Variants in NEDD9 observed in about 807,000 individuals in gnomAD.
NEDD9 encodes enhancer of filamentation 1.
In NEDD9, 26 loss-of-function variants were observed where a neutral mutation model predicts 76.6. The observed-to-expected ratio is 0.34, with a 90% CI of 0.25 to 0.47. NEDD9 has a LOEUF of 0.47. NEDD9 is among the 20% of genes least tolerant of loss of function. The pLI is 1.00. For missense variants in NEDD9, 937 were observed against 1,058.5 expected (o/e 0.89, Z 1.59); for synonymous variants, 392 against 414.2 (o/e 0.95, Z 0.65).
At chr6:11,247,650 G>A (rs1476771958) in intron 3 of NEDD9, among the ~76,000 whole-genome samples, 1 of 152,032 alleles carries the variant, frequency 6.6e-6, no homozygotes, top group African/African-American at 2.4e-5. Context: ...TTTCTGTTTG[G>A]CAATAGCAAT....
chr6:11,283,062 T>C (rs1760569542), intron 3 of NEDD9, among the ~76,000 whole-genome samples: 1 of 152,230 alleles, frequency 6.6e-6, no homozygotes, highest in Non-Finnish European at 1.5e-5. Context: ...CCTTATGACC[T>C]TGGCATTTGC....
At chr6:11,250,712 T>G (rs755039611) in intron 3 of NEDD9, among the ~76,000 whole-genome samples, 43 of 152,192 alleles carry the variant, frequency 2.8e-4, no homozygotes, top group Non-Finnish European at 1.3e-4. Context: ...GAGCTGGAAA[T>G]GTACTGTGGC....
intron 4 of NEDD9, among the ~76,000 whole-genome samples, 155 bp downstream of exon 4, chr6:11,192,190 T>G (rs191517944): frequency 5.3e-4 from 81 of 152,284 alleles, no homozygotes; most frequent in South Asian, 1.7e-3. Context: ...TTTGCTTCCT[T>G]CCTTTACTCT....
rs61755990 is a variant in NEDD9, at chr6:11,190,439, G to A, written c.1430C>T (p.Pro477Leu). 2.3e-5 allele frequency: 37 copies of A among 1,614,062 alleles called. No individual in the cohort carries two copies. The highest frequency in any genetic ancestry group is 2.0e-4 in the African/African-American group (15 of 74,922). ...KGAVANAACL[P>L]ELILHNKMKR... ...CATCTTGTTGTGGAGGATGAGTTCC[G>A]GGAGGCAGGCAGCATTTGCAACAGC... is the stretch of plus-strand genomic sequence containing the variant. Residue 477 changes from proline (P) to leucine (L), a missense_variant, in exon 5 of 7, where the codon CCG becomes CTG. Transcript: ENST00000379446. The surrounding 1 kb of genome is among the most constrained non-coding windows in gnomAD (Gnocchi z 5.8).
rs114326015 is a variant in NEDD9, at chr6:11,187,474, T to C, written c.1995+744A>G. On this transcript the variant is annotated intron_variant, in intron 6 of 6. Coordinates refer to ENST00000379446, the MANE Select transcript of NEDD9 (RefSeq NM_006403.4). ...TGAATTCTGCTCTCCTACCTTTAGA[T>C]TGGACCAAGGCCAGGCAAACCATAG... Among the ~76,000 whole-genome samples the C allele has an allele frequency of 6.9e-3, 1,053 of 152,232 alleles. 12 individuals carry two copies. The highest frequency in any genetic ancestry group is 0.025 in the African/African-American group (1,018 of 41,516).
chr6:11,242,130 C>G (rs192209267), intron 3 of NEDD9, among the ~76,000 whole-genome samples: 6 of 152,150 alleles, frequency 3.9e-5, no homozygotes, highest in Non-Finnish European at 8.8e-5. Flanking sequence ...CTTGACTTGC[C>G]GAACGGAGTA....
chr6:11,267,674 GA>G (rs920140145), intron 3 of NEDD9, among the ~76,000 whole-genome samples: 10 of 151,558 alleles, frequency 6.6e-5, no homozygotes, highest in Admixed American at 2.6e-4. Context: ...CAGCTAGTAA[GA>G]AAAAAAAATT....
intron 1 of NEDD9, among the ~76,000 whole-genome samples, chr6:11,374,066 C>CTA (rs35562815): frequency 0.019 from 2,828 of 149,612 alleles, 79 homozygotes; most frequent in African/African-American, 0.057. Context: ...CTCTCTCTCT[C>CTA]TATATATATA....
chr6:11,313,477 GTAGA>G (rs766690871), intron 2 of NEDD9, among the ~76,000 whole-genome samples: 24 of 131,850 alleles, frequency 1.8e-4, no homozygotes, highest in East Asian at 5.9e-4. Flanking sequence ...ATATGAGTGG[GTAGA>G]TAGATGGATG....
chr6:11,235,209 T>C (rs1285534767), upstream of NEDD9, among the ~76,000 whole-genome samples: 1 of 152,148 alleles, frequency 6.6e-6, no homozygotes, highest in Non-Finnish European at 1.5e-5. The surrounding 1 kb of genome is among the most constrained non-coding windows in gnomAD (Gnocchi z 4.1). Flanking sequence ...AGATTTATGA[T>C]ATTTTGTTAA....
chr6:11,304,507 G>A (rs956415576), intron 3 of NEDD9, among the ~76,000 whole-genome samples: 5 of 152,286 alleles, frequency 3.3e-5, no homozygotes, highest in East Asian at 1.9e-4. Context: ...ACATGCACAC[G>A]TATGTTTATT....
intron 1 of NEDD9, among the ~76,000 whole-genome samples, chr6:11,218,604 A>G (rs1759045860): frequency 6.6e-6 from 1 of 152,228 alleles, no homozygotes; most frequent in Non-Finnish European, 1.5e-5. Flanking sequence ...TATCCGAAAC[A>G]AAATATAGAC....
intron 2 of NEDD9, chr6:11,199,729 C>T (rs35800916): frequency 0.13 from 16,887 of 133,074 alleles, 1,267 homozygotes; most frequent in Middle Eastern, 0.29. Context: ...GGTGAGATCT[C>T]GGCTCACCGC....
At chr6:11,188,140 C>G in intron 6 of NEDD9, 78 bp downstream of exon 6, 1 of 1,102,940 alleles carries the variant, frequency 9.1e-7, no homozygotes, top group Non-Finnish European at 1.4e-6. Context: ...ATCATAATCT[C>G]TTGAAGTGAT....
At chr6:11,197,137 T>A (rs1758313752) in intron 2 of NEDD9, among the ~76,000 whole-genome samples, 1 of 152,166 alleles carries the variant, frequency 6.6e-6, no homozygotes, top group Admixed American at 6.5e-5. Context: ...GGAAGAATTC[T>A]CCTAGGCATT....
intron 3 of NEDD9, among the ~76,000 whole-genome samples, chr6:11,266,709 G>A (rs9468726): frequency 0.28 from 41,921 of 151,966 alleles, 6,804 homozygotes; most frequent in African/African-American, 0.47. Context: ...CCAGTGGTCT[G>A]AGTCTAAGCC....
In NEDD9 at chr6:11,291,267, G is replaced by GTTTT. The variant is rs869185428; in HGVS notation, c.12+14721_12+14724dup. Among the ~76,000 whole-genome samples, 778 of 95,828 alleles carry GTTTT rather than the reference G, an allele frequency of 8.1e-3. 66 individuals carry two copies. Among genetic ancestry groups the GTTTT allele is most frequent in the African/African-American group, 0.033 (656 of 19,840 alleles). 62.9% of individuals were successfully genotyped at this position (95,828 alleles called of 152,430 possible). A position where few individuals can be genotyped will look rare whatever the true frequency, so the allele number is the denominator to read the frequency against. ...GAGCACAGGGCAGAAATAGAATGAGGTTTTTTTTTTTTTTTTTTTTTTTTT... is the reference window on the plus strand; with the variant it reads ...GAGCACAGGGCAGAAATAGAATGAGGTTTTTTTTTTTTTTTTTTTTTTTTTTTTT... On this transcript the variant is annotated intron_variant, in intron 3 of 3. Coordinates refer to the NEDD9 transcript ENST00000397378.
chr6:11,189,009 C>T (rs921724665), intron 5 of NEDD9, among the ~76,000 whole-genome samples: 12 of 150,938 alleles, frequency 8.0e-5, no homozygotes, highest in African/African-American at 1.5e-4. Flanking sequence ...TCCAGTGGCA[C>T]GATCTTAGCT....
chr6:11,346,050 G>A (rs1276342169), intron 1 of NEDD9, among the ~76,000 whole-genome samples: 2 of 152,292 alleles, frequency 1.3e-5, no homozygotes, highest in East Asian at 3.9e-4. Flanking sequence ...GGTTCTTCAT[G>A]GCACTTGCCA....
Sources: gnomAD v4.1 joint callset for allele counts (sites outside exome capture counted in the v4.1 genomes callset) on GRCh38, gnomAD v4.1.1 for gene constraint, Gnocchi (gnomAD v3.1) non-coding constraint, MANE v1.5 for transcripts, NCBI Gene and HGNC (gene_info 2026-07-23, HGNC 2026-07-21) for gene names.